NEMP2: variants seen among roughly 807,000 people sequenced by gnomAD.
The protein encoded by NEMP2 is UPF0571 transmembrane protein.
A neutral mutation model predicts 54.2 loss-of-function variants in NEMP2; 53 were observed. The ratio of observed to expected loss-of-function variants is 0.98; its 90% CI spans 0.78 to 1.23. The LOEUF (loss-of-function observed/expected upper bound fraction) is 1.23. Ranked by LOEUF, NEMP2 falls within the 50% of genes most tolerant of loss-of-function variation. NEMP2 has a pLI of 0.00. For synonymous variants in NEMP2, 197 were observed against 190.3 expected, an observed-to-expected ratio of 1.04 and a Z score of -0.29; for missense variants, 455 against 511.3, an observed-to-expected ratio of 0.89 and a Z score of 1.06.
rs751789976 is a variant in NEMP2 at position 190,519,117 on chromosome 2, G to T, written c.280C>A (p.Pro94Thr). 1.9e-6 allele frequency: 3 copies of T among 1,551,068 alleles called. No homozygotes were observed. The South Asian group carries it at 3.6e-5, about 18-fold the overall frequency. Reference protein sequence around the residue: ...YIAERHNCQYPENILSFIKCV... With the variant: ...YIAERHNCQYTENILSFIKCV... ...TTGATAAAAGATAGAATGTTTTCTGGATATTGGCAATTATGTCTTTCTGCG... is the reference window on the plus strand; with the variant it reads ...TTGATAAAAGATAGAATGTTTTCTGTATATTGGCAATTATGTCTTTCTGCG... Residue 94 changes from proline to threonine, a missense_variant, in exon 3 of 9, where the codon CCA (proline) becomes ACA (threonine). Transcript: ENST00000409150. The surrounding 1 kb of genome is among the most constrained non-coding windows in gnomAD (Gnocchi z 5.4).
chr2:190,502,068 C>A (rs1477834007), downstream of NEMP2: 1 of 152,616 alleles, frequency 6.6e-6, no homozygotes, highest in Admixed American at 6.5e-5. The surrounding 1 kb of genome is among the most constrained non-coding windows in gnomAD (Gnocchi z 4.4). Context: ...AAAATGAATA[C>A]CATTTTTAAA....
At chr2:190,619,335 C>CA in the NEMP2 span, among the ~76,000 whole-genome samples, 721 of 119,002 alleles carry the variant, frequency 6.1e-3, 1 homozygote, top group African/African-American at 9.2e-3. This position sits in a 1 kb window ranked among gnomAD's most constrained non-coding sequence, Gnocchi z 5.5. Flanking sequence ...CCTGTCTCCA[C>CA]AAAAAAAAAA....
At chr2:190,526,337 T>C (rs113375356) in intron 1 of NEMP2, among the ~76,000 whole-genome samples, 148 of 152,096 alleles carry the variant, frequency 9.7e-4, no homozygotes, top group African/African-American at 3.4e-3. Flanking sequence ...GCCCATATAA[T>C]GCAGTCCACA....
At chr2:190,540,553 C>T in the NEMP2 span, among the ~76,000 whole-genome samples, 1 of 152,094 alleles carries the variant, frequency 6.6e-6, no homozygotes, top group East Asian at 1.9e-4. Flanking sequence ...GGCCTCCCAA[C>T]TTGCTGGGAT....
rs1301549228 is a variant in NEMP2 at position 190,520,278 on chromosome 2, G to C, written c.214-1095C>G. 6.6e-6 allele frequency among the ~76,000 whole-genome samples: 1 copy of C among 152,094 alleles called. No individual in the cohort carries two copies. Among genetic ancestry groups the C allele is most frequent in the Non-Finnish European group, 1.5e-5 (1 of 68,032 alleles). ...GATCAGCTGAGCATCTGTAATTCAG[G>C]CTTCTCTCACCATGCCTGCTAAAGG... On this transcript the variant is annotated intron_variant, in intron 2 of 8. Coordinates refer to ENST00000409150, the MANE Select transcript of NEMP2 (RefSeq NM_001142645.2). The surrounding 1 kb of genome is among the most constrained non-coding windows in gnomAD (Gnocchi z 5.4).
At chr2:190,468,709 T>G in the NEMP2 span, among the ~76,000 whole-genome samples, 1 of 151,340 alleles carries the variant, frequency 6.6e-6, no homozygotes, top group South Asian at 2.1e-4. Flanking sequence ...TCCTCCTGCC[T>G]CAGCCTCCCA....
chr2:190,605,491 C>T, the NEMP2 span, among the ~76,000 whole-genome samples: 1 of 152,130 alleles, frequency 6.6e-6, no homozygotes, highest in Non-Finnish European at 1.5e-5. Flanking sequence ...TCTCCTGCCT[C>T]AGCCTCTGGA....
At chr2:190,462,475 A>G in the NEMP2 span, among the ~76,000 whole-genome samples, 5 of 152,194 alleles carry the variant, frequency 3.3e-5, no homozygotes, top group African/African-American at 9.7e-5. The surrounding 1 kb of genome is among the most constrained non-coding windows in gnomAD (Gnocchi z 5.7). Flanking sequence ...ATCAGTTTAC[A>G]TAAGATTATA....
chr2:190,434,887 C>T, the NEMP2 span, among the ~76,000 whole-genome samples: 1 of 152,288 alleles, frequency 6.6e-6, no homozygotes, highest in East Asian at 1.9e-4. The surrounding 1 kb of genome is among the most constrained non-coding windows in gnomAD (Gnocchi z 4.3). Context: ...CAAGAGCGGG[C>T]CAGCAAGCAT....
At chr2:190,625,263 A>G in the NEMP2 span, 1 of 152,260 alleles carries the variant, frequency 6.6e-6, no homozygotes, top group Non-Finnish European at 1.5e-5. Flanking sequence ...TTATTTGGCC[A>G]TAAAAAGGAA....
At chr2:190,644,026 C>T in the NEMP2 span, among the ~76,000 whole-genome samples, 2 of 152,112 alleles carry the variant, frequency 1.3e-5, no homozygotes, top group East Asian at 3.9e-4. The surrounding 1 kb of genome is among the most constrained non-coding windows in gnomAD (Gnocchi z 4.4). Flanking sequence ...ATTTTGAGAT[C>T]GTTATTCTAA....
At chr2:190,424,671 T>C in the NEMP2 span, among the ~76,000 whole-genome samples, 1 of 152,216 alleles carries the variant, frequency 6.6e-6, no homozygotes, top group Non-Finnish European at 1.5e-5. This position sits in a 1 kb window ranked among gnomAD's most constrained non-coding sequence, Gnocchi z 5.9. Flanking sequence ...TCTAATTACC[T>C]CAGCACCATT....
chr2:190,459,069 C>T, the NEMP2 span, among the ~76,000 whole-genome samples: 2 of 152,202 alleles, frequency 1.3e-5, no homozygotes, highest in African/African-American at 4.8e-5. This position sits in a 1 kb window ranked among gnomAD's most constrained non-coding sequence, Gnocchi z 5.3. Flanking sequence ...TTGAGTCTCA[C>T]CTGCAGCTTT....
At chr2:190,606,669 C>T in the NEMP2 span, among the ~76,000 whole-genome samples, 24,708 of 152,142 alleles carry the variant, frequency 0.16, 2,104 homozygotes, top group East Asian at 0.28. Context: ...CAAGATCGTG[C>T]CACTGCACTC....
chr2:190,606,072 C>G, the NEMP2 span, among the ~76,000 whole-genome samples: 33 of 152,242 alleles, frequency 2.2e-4, no homozygotes, highest in African/African-American at 7.5e-4. Context: ...CAGTGTCCAC[C>G]TTCCAGTCTT....
the NEMP2 span, among the ~76,000 whole-genome samples, chr2:190,644,351 T>C: frequency 4.6e-5 from 7 of 152,208 alleles, no homozygotes; most frequent in African/African-American, 1.7e-4. This position sits in a 1 kb window ranked among gnomAD's most constrained non-coding sequence, Gnocchi z 4.4. Context: ...TCAGCATGCT[T>C]CTGTACTTTG....
the NEMP2 span, among the ~76,000 whole-genome samples, chr2:190,546,229 A>T: frequency 2.0e-5 from 3 of 151,590 alleles, no homozygotes; most frequent in Non-Finnish European, 2.9e-5. The surrounding 1 kb of genome is among the most constrained non-coding windows in gnomAD (Gnocchi z 5.1). Context: ...TTTTTTTTTA[A>T]AAAAGAAAAG....
chr2:190,430,805 C>G, the NEMP2 span, among the ~76,000 whole-genome samples: 2 of 146,618 alleles, frequency 1.4e-5, no homozygotes, highest in Admixed American at 1.3e-4. Flanking sequence ...GGCGCCCCCC[C>G]CACCTCCCTC....
chr2:190,465,036 A>G, the NEMP2 span: 14 of 499,452 alleles, frequency 2.8e-5, no homozygotes, highest in Middle Eastern at 9.7e-4. This position sits in a 1 kb window ranked among gnomAD's most constrained non-coding sequence, Gnocchi z 4.6. Context: ...TATCTTGAAC[A>G]CTCTTGAAAA....
Sources: gnomAD v4.1 joint callset for allele counts (sites outside exome capture counted in the v4.1 genomes callset) on GRCh38, gnomAD v4.1.1 for gene constraint, Gnocchi (gnomAD v3.1) non-coding constraint, MANE v1.5 for transcripts, NCBI Gene and HGNC (gene_info 2026-07-23, HGNC 2026-07-21) for gene names.